TENT5D: variants seen among roughly 807,000 people sequenced by gnomAD.
TENT5D encodes the protein cancer/testis antigen 112.
For synonymous variants in TENT5D, 103 were observed against 100.6 expected (o/e 1.02, Z -0.15); for missense variants, 191 against 287.0 (o/e 0.67, Z 2.42).
intron 3 of TENT5D, among the ~76,000 whole-genome samples, chrX:80,342,753 T>C (rs1267672474): frequency 8.9e-6 from 1 of 112,176 alleles, no homozygotes; most frequent in East Asian, 2.8e-4. Context: ...TTGAAAATTC[T>C]CTTTGACAAT....
chrX:80,377,673 G>T (rs1469960526), intron 3 of TENT5D, among the ~76,000 whole-genome samples: 1 of 112,036 alleles, frequency 8.9e-6, no homozygotes, highest in African/African-American at 3.2e-5. Flanking sequence ...CTTTGCTGTT[G>T]TGAATAGTGC....
intron 3 of TENT5D, among the ~76,000 whole-genome samples, chrX:80,398,294 G>A (rs1490596909): frequency 9.0e-6 from 1 of 111,713 alleles, no homozygotes; most frequent in East Asian, 2.8e-4. Flanking sequence ...ATATATTCTG[G>A]ATGTTAATCC....
At chrX:80,371,315 AAG>A (rs1387342879) in intron 3 of TENT5D, among the ~76,000 whole-genome samples, 2 of 111,685 alleles carry the variant, frequency 1.8e-5, no homozygotes, top group African/African-American at 3.3e-5. Context: ...AGGGCATAGA[AAG>A]AGTACATTTA....
chrX:80,420,227 T>C (rs1931858427), upstream of TENT5D, among the ~76,000 whole-genome samples: 1 of 110,917 alleles, frequency 9.0e-6, no homozygotes, highest in Non-Finnish European at 1.9e-5. Context: ...ACTATTTTTT[T>C]CTCCTTCCTC....
chrX:80,417,088 T>TA (rs1931791974), upstream of TENT5D, among the ~76,000 whole-genome samples: 1 of 108,753 alleles, frequency 9.2e-6, no homozygotes, highest in African/African-American at 3.3e-5. Context: ...TTTGTTGCTT[T>TA]AAAATCTGTT....
At chrX:80,391,766 A>G (rs898155141) in intron 3 of TENT5D, among the ~76,000 whole-genome samples, 1 of 112,905 alleles carries the variant, frequency 8.9e-6, no homozygotes, top group African/African-American at 3.2e-5. Flanking sequence ...GACTAAAAAT[A>G]TAATGAGAAA....
chrX:80,418,242 T>G, upstream of TENT5D, among the ~76,000 whole-genome samples: 1 of 110,220 alleles, frequency 9.1e-6, no homozygotes, highest in Non-Finnish European at 1.9e-5. Flanking sequence ...CTCGAACTCC[T>G]GAGCTCAAGT....
At chrX:80,378,666 G>A (rs1569361840) in intron 3 of TENT5D, among the ~76,000 whole-genome samples, 1 of 111,208 alleles carries the variant, frequency 9.0e-6, no homozygotes, top group African/African-American at 3.3e-5. Flanking sequence ...GTACCATGCT[G>A]TTTTGGTTAC....
At chrX:80,336,696 AGCTAAAGCATTT>A (rs1451175249) in intron 2 of TENT5D, among the ~76,000 whole-genome samples, 1 of 111,673 alleles carries the variant, frequency 9.0e-6, no homozygotes, top group Non-Finnish European at 1.9e-5. Flanking sequence ...AATCCACTAA[AGCTAAAGCATTT>A]TCAAGTTTCA....
intron 3 of TENT5D, among the ~76,000 whole-genome samples, chrX:80,369,320 T>C (rs1420155432): frequency 2.7e-5 from 3 of 112,192 alleles, no homozygotes; most frequent in Non-Finnish European, 3.8e-5. Flanking sequence ...AAATAGGAAT[T>C]CAAAATAAAA....
chrX:80,394,391 C>CTTTTTTTT (rs35632962), intron 3 of TENT5D, among the ~76,000 whole-genome samples: 5 of 36,666 alleles, frequency 1.4e-4, no homozygotes, highest in Admixed American at 4.0e-4. Flanking sequence ...AGGTCCTTTC[C>CTTTTTTTT]TTTTTTTTTT....
chrX:80,421,438 C>T lies in TENT5D; in HGVS notation c.-142+875C>T, dbSNP rs748834979. The stretch of plus-strand genomic sequence containing the variant: ...TCCTCACCTCGTGATCTACCCGCCT[C>T]GGCCTCCCAAAGTGTTGGGATTACA... On this transcript the variant is annotated intron_variant, in intron 1 of 2. Transcript: ENST00000308293. Among the ~76,000 whole-genome samples the T allele has an allele frequency of 8.0e-5, 9 of 112,022 alleles. No individual in the cohort carries two copies. The East Asian group carries it at 2.3e-3, about 28-fold the overall frequency.
At chrX:80,427,563 C>T (rs1451539520) in intron 1 of TENT5D, among the ~76,000 whole-genome samples, 1 of 111,638 alleles carries the variant, frequency 9.0e-6, no homozygotes, top group South Asian at 3.7e-4. Context: ...AAGGGCTTAT[C>T]CTTTTTCAAG....
chrX:80,392,287 A>G lies in TENT5D; in HGVS notation c.-141-46323A>G, dbSNP rs1306422832. Among the ~76,000 whole-genome samples the G allele has an allele frequency of 8.2e-5, 9 of 109,462 alleles. No homozygotes were observed. The East Asian group carries it at 2.3e-3, about 28-fold the overall frequency. On this transcript the variant is annotated intron_variant, in intron 3 of 4. Coordinates refer to the TENT5D transcript ENST00000538312. ...TTTAATAATAATCTCTTAAAGAAGG[A>G]TTTAGGTTAATTAGCTCTTTTTAAT... is the stretch of plus-strand genomic sequence containing the variant.
At chrX:80,371,615 A>G (rs1262971717) in intron 3 of TENT5D, among the ~76,000 whole-genome samples, 1 of 112,163 alleles carries the variant, frequency 8.9e-6, no homozygotes, top group East Asian at 2.8e-4. Context: ...TTCACTTTGC[A>G]TGTTTGTGTT....
intron 3 of TENT5D, among the ~76,000 whole-genome samples, chrX:80,414,637 G>A (rs1406457712): frequency 8.9e-6 from 1 of 112,090 alleles, no homozygotes; most frequent in Non-Finnish European, 1.9e-5. Context: ...CAGGTTAGAA[G>A]TAGATAAGAG....
At chrX:80,342,215 A>G (rs776810851) in intron 2 of TENT5D, among the ~76,000 whole-genome samples, 19 of 111,866 alleles carry the variant, frequency 1.7e-4, no homozygotes, top group African/African-American at 4.2e-4. Flanking sequence ...GATGACAGCA[A>G]CTTACTCAAA....
exon 3 of TENT5D, chrX:80,443,214 C>G (rs372634428): frequency 8.3e-7 from 1 of 1,211,002 alleles, no homozygotes; most frequent in Middle Eastern, 2.3e-4. Context: ...TCATATGTAC[C>G]AGGAAACCTG....
intron 1 of TENT5D, among the ~76,000 whole-genome samples, chrX:80,422,534 G>T (rs1931910435): frequency 9.0e-6 from 1 of 111,361 alleles, no homozygotes; most frequent in Non-Finnish European, 1.9e-5. Context: ...TTGCCTACTA[G>T]CAGGCTCCCT....
Sources: gnomAD v4.1 joint callset for allele counts (sites outside exome capture counted in the v4.1 genomes callset) on GRCh38, gnomAD v4.1.1 for gene constraint, MANE v1.5 for transcripts, NCBI Gene and HGNC (gene_info 2026-07-23, HGNC 2026-07-21) for gene names.